Variants in RABGAP1L observed in about 807,000 individuals in gnomAD.
RABGAP1L encodes RAB GTPase activating protein 1 like.
A neutral mutation model predicts 137.7 loss-of-function variants in RABGAP1L; 63 were observed. The ratio of observed to expected loss-of-function variants is 0.46; its 90% CI spans 0.37 to 0.56. The LOEUF is 0.56. RABGAP1L is among the 20% of genes least tolerant of loss of function. The probability of loss-of-function intolerance (pLI) is 0.00; values close to 1 mark genes in which losing one functional copy is unlikely to be tolerated. For synonymous variants in RABGAP1L, 431 were observed against 433.7 expected, an observed-to-expected ratio of 0.99 and a Z score of 0.08; for missense variants, 1,095 against 1,244.0, an observed-to-expected ratio of 0.88 and a Z score of 1.80.
chr1:174,700,279 T>A (rs548797746), intron 16 of RABGAP1L: 1 of 152,328 alleles, frequency 6.6e-6, no homozygotes, highest in East Asian at 1.9e-4. Flanking sequence ...TTTAACTAGC[T>A]TTGGAGTTCT....
intron 13 of RABGAP1L, among the ~76,000 whole-genome samples, chr1:174,552,335 C>T (rs979013055): frequency 6.6e-6 from 1 of 152,030 alleles, no homozygotes; most frequent in African/African-American, 2.4e-5. Flanking sequence ...CCGCCTCCAC[C>T]CTCCAAAAGG....
In RABGAP1L at chr1:174,394,113, A is replaced by T. The variant is rs1305839018; in HGVS notation, c.1678A>T (p.Met560Leu). 6.2e-7 allele frequency: 1 copy of T among 1,613,784 alleles called. No homozygotes were observed. Among genetic ancestry groups the T allele is most frequent in the East Asian group, 2.2e-5 (1 of 44,876 alleles). ...LLAGCHDNQAMLDRYRILITK... is the reference protein window; with the variant it reads ...LLAGCHDNQALLDRYRILITK... The stretch of plus-strand genomic sequence containing the variant: ...GGCAGGCTGCCATGACAACCAGGCA[A>T]TGCTGGATAGATACCGAATTCTTAT... Residue 560 changes from methionine to leucine, a missense_variant, in exon 13 of 26, where the codon ATG (methionine) becomes TTG (leucine). By Grantham distance (15) the Met-to-Leu change is conservative. This residue lies in a region of RABGAP1L where 315 missense variants were observed against 324.8 expected (regional missense o/e 0.97). Transcript: ENST00000681986.
At chr1:174,225,447 T>C (rs544257645) in intron 3 of RABGAP1L, among the ~76,000 whole-genome samples, 1 of 152,126 alleles carries the variant, frequency 6.6e-6, no homozygotes, top group African/African-American at 2.4e-5. Context: ...TTTTCGAATC[T>C]TATGTTTTGA....
chr1:174,612,537 C>T (rs902850022), intron 13 of RABGAP1L, among the ~76,000 whole-genome samples: 11 of 152,142 alleles, frequency 7.2e-5, no homozygotes, highest in African/African-American at 2.7e-4. Context: ...TGTGTCTCTG[C>T]CCGGCTTTGG....
At chr1:174,546,035 A>G (rs985398713) in intron 13 of RABGAP1L, 6 of 152,362 alleles carry the variant, frequency 3.9e-5, no homozygotes, top group Admixed American at 1.3e-4. Flanking sequence ...TCTTAAGAAG[A>G]TAAATCTAAG....
intron 13 of RABGAP1L, among the ~76,000 whole-genome samples, chr1:174,635,585 T>G (rs1673943202): frequency 2.6e-5 from 4 of 152,220 alleles, no homozygotes; most frequent in Admixed American, 2.0e-4. Flanking sequence ...TACATTTACC[T>G]TGGCAAATAT....
intron 13 of RABGAP1L, among the ~76,000 whole-genome samples, chr1:174,514,739 C>A (rs893704868): frequency 6.6e-6 from 1 of 152,126 alleles, no homozygotes; most frequent in Non-Finnish European, 1.5e-5. Context: ...TTCAATTGCA[C>A]CACACTCTTT....
At chr1:174,368,214 G>C (rs1045519089) in intron 11 of RABGAP1L, among the ~76,000 whole-genome samples, 1 of 152,120 alleles carries the variant, frequency 6.6e-6, no homozygotes, top group African/African-American at 2.4e-5. Flanking sequence ...GTGTTCTCTG[G>C]AATACTCTTG....
At chr1:174,485,511 C>A (rs1221267562) in intron 13 of RABGAP1L, among the ~76,000 whole-genome samples, 1 of 152,074 alleles carries the variant, frequency 6.6e-6, no homozygotes, top group African/African-American at 2.4e-5. Context: ...GAGGTATGTT[C>A]CCTCTATCCC....
At chr1:174,541,512 A>C (rs1665427039) in intron 13 of RABGAP1L, among the ~76,000 whole-genome samples, 1 of 152,150 alleles carries the variant, frequency 6.6e-6, no homozygotes, top group Non-Finnish European at 1.5e-5. Flanking sequence ...GCGGTGGCTC[A>C]CCACCTGTAA....
chr1:174,792,028 T>C (rs374466480), intron 18 of RABGAP1L, among the ~76,000 whole-genome samples: 14 of 152,352 alleles, frequency 9.2e-5, no homozygotes, highest in African/African-American at 3.4e-4. Context: ...ATAGGTTCTT[T>C]ATGGGATACA....
At chr1:174,541,155 T>C (rs1395373165) in intron 13 of RABGAP1L, among the ~76,000 whole-genome samples, 1 of 152,248 alleles carries the variant, frequency 6.6e-6, no homozygotes, top group Non-Finnish European at 1.5e-5. Context: ...TCTAGGACTT[T>C]GCTGAAGTTG....
chr1:174,166,078 G>A (rs12354141), intron 1 of RABGAP1L, among the ~76,000 whole-genome samples: 44,749 of 152,070 alleles, frequency 0.29, 7,007 homozygotes, highest in African/African-American at 0.37. Flanking sequence ...GGATTTATAT[G>A]TTATGATTAA....
At chr1:174,333,624 A>G (rs532614140) in intron 11 of RABGAP1L, among the ~76,000 whole-genome samples, 22 of 152,292 alleles carry the variant, frequency 1.4e-4, no homozygotes, top group African/African-American at 4.6e-4. Flanking sequence ...AGAAGCAATT[A>G]TTCACGAAAA....
chr1:174,671,992 C>A (rs891093913), intron 14 of RABGAP1L, among the ~76,000 whole-genome samples: 3 of 152,028 alleles, frequency 2.0e-5, no homozygotes, highest in African/African-American at 7.2e-5. Context: ...ATTCAGTCGT[C>A]TCCTTACTCA....
At chr1:174,784,011 C>G (rs994198849) in intron 18 of RABGAP1L, among the ~76,000 whole-genome samples, 3 of 52,140 alleles carry the variant, frequency 5.8e-5, no homozygotes, top group Non-Finnish European at 1.0e-4. Flanking sequence ...TCTTCTTCTT[C>G]TTTTTTTTTT....
At chr1:174,180,279 G>C (rs1341558869) in intron 1 of RABGAP1L, among the ~76,000 whole-genome samples, 1 of 152,106 alleles carries the variant, frequency 6.6e-6, no homozygotes, top group Admixed American at 6.6e-5. Flanking sequence ...TGTAACCTTG[G>C]GCAAGTTGGT....
chr1:174,906,335 AAAT>A (rs1460515254), intron 19 of RABGAP1L, among the ~76,000 whole-genome samples: 1 of 152,130 alleles, frequency 6.6e-6, no homozygotes, highest in East Asian at 1.9e-4. Context: ...CTTATTCAAA[AAAT>A]AATAATAGGC....
chr1:174,347,409 A>C (rs1682533216), intron 11 of RABGAP1L, among the ~76,000 whole-genome samples: 1 of 151,130 alleles, frequency 6.6e-6, no homozygotes, highest in South Asian at 2.1e-4. Flanking sequence ...GTGCATATAT[A>C]TTTACAATCA....
Sources: gnomAD v4.1 joint callset for allele counts (sites outside exome capture counted in the v4.1 genomes callset) on GRCh38, gnomAD v4.1.1 for gene constraint, gnomAD v4.1.1 regional missense constraint, MANE v1.5 for transcripts, NCBI Gene and HGNC (gene_info 2026-07-23, HGNC 2026-07-21) for gene names.